The following ARHGAP29 variants were observed in gnomAD, a reference collection of about 807,000 sequenced individuals.
ARHGAP29 encodes the protein Rho GTPase activating protein 29, also known as rho GTPase-activating protein 29.
A neutral mutation model predicts 122.6 loss-of-function variants in ARHGAP29; 43 were observed. The observed-to-expected ratio is 0.35, with a 90% confidence interval of 0.27 to 0.45. The LOEUF is 0.45. ARHGAP29 is among the 20% of genes least tolerant of loss of function. The pLI, the probability that ARHGAP29 is intolerant of heterozygous loss-of-function variation, is 1.00. For synonymous variants in ARHGAP29, 506 were observed against 497.1 expected, an observed-to-expected ratio of 1.02 and a Z score of -0.24; for missense variants, 1,303 against 1,477.2, an observed-to-expected ratio of 0.88 and a Z score of 1.93.
rs191206586 is a variant in ARHGAP29 at position 94,231,903 on chromosome 1, G to A, written c.-32-260C>T. ...ACTGTTCTTTACATTTCACAAATGA[G>A]GAACCTGAGGTTTAGAGGTTAAAAA... is the stretch of plus-strand genomic sequence containing the variant. On this transcript the variant is annotated intron_variant, in intron 1 of 22. Transcript: ENST00000260526. Among the ~76,000 whole-genome samples the A allele has an allele frequency of 1.0e-3, 153 of 152,204 alleles. 1 individual carries two copies. The highest frequency in any genetic ancestry group is 1.5e-3 in the South Asian group (7 of 4,824).
chr1:94,186,462 C>A (rs1649808005), intron 16 of ARHGAP29, 37 bp downstream of exon 16: 1 of 1,425,846 alleles, frequency 7.0e-7, no homozygotes, highest in South Asian at 1.2e-5. Context: ...ACTGATTGAG[C>A]TGGTTTAGTG....
chr1:94,285,289 T>C, the ARHGAP29 span, among the ~76,000 whole-genome samples: 326 of 152,004 alleles, frequency 2.1e-3, no homozygotes, highest in Non-Finnish European at 3.8e-3. Context: ...CAAAAACACA[T>C]TGAGCATCAA....
At chr1:94,194,644 A>G (rs975590585) in intron 12 of ARHGAP29, 1 of 152,272 alleles carries the variant, frequency 6.6e-6, no homozygotes, top group African/African-American at 2.4e-5. Flanking sequence ...GTCACCTCCC[A>G]AAAGCCCCAC....
At chr1:94,257,896 G>A (rs1654421759) in intron 1 of ARHGAP29, among the ~76,000 whole-genome samples, 2 of 152,284 alleles carry the variant, frequency 1.3e-5, no homozygotes, top group South Asian at 2.1e-4. Flanking sequence ...ACCCCTGAGA[G>A]CACCTGAATG....
chr1:94,181,744 A>AAAC (rs375216269), intron 19 of ARHGAP29, among the ~76,000 whole-genome samples: 72 of 152,214 alleles, frequency 4.7e-4, no homozygotes, highest in Admixed American at 1.9e-3. Flanking sequence ...AATGAGTAGA[A>AAAC]AACAACAACA....
At chr1:94,258,478 A>G (rs1361132938) in intron 1 of ARHGAP29, among the ~76,000 whole-genome samples, 1 of 152,194 alleles carries the variant, frequency 6.6e-6, no homozygotes, top group Non-Finnish European at 1.5e-5. Context: ...TGTAAGTTAG[A>G]AACTCTAGCT....
intron 2 of ARHGAP29, among the ~76,000 whole-genome samples, chr1:94,230,067 A>G (rs1652834786): frequency 6.6e-6 from 1 of 151,758 alleles, no homozygotes; most frequent in African/African-American, 2.4e-5. Flanking sequence ...CAACTAATAC[A>G]TCACTTTAAA....
the ARHGAP29 span, among the ~76,000 whole-genome samples, chr1:94,284,832 A>G: frequency 6.6e-6 from 1 of 152,246 alleles, no homozygotes; most frequent in Non-Finnish European, 1.5e-5. Flanking sequence ...CCTTGGGCAC[A>G]GAAGAAAGAT....
chr1:94,308,941 T>C, the ARHGAP29 span, among the ~76,000 whole-genome samples: 1 of 152,162 alleles, frequency 6.6e-6, no homozygotes, highest in African/African-American at 2.4e-5. Flanking sequence ...CAGGAGGTTG[T>C]GTGGGTCAAG....
At chr1:94,300,082 T>C in the ARHGAP29 span, among the ~76,000 whole-genome samples, 1 of 152,204 alleles carries the variant, frequency 6.6e-6, no homozygotes, top group Non-Finnish European at 1.5e-5. Flanking sequence ...GGCTTAGGCA[T>C]CTCTTGGAGC....
intron 22 of ARHGAP29, chr1:94,177,076 T>C (rs1649139509): frequency 6.6e-6 from 1 of 152,100 alleles, no homozygotes; most frequent in African/African-American, 2.4e-5. Flanking sequence ...CAACTAATAT[T>C]ATAAAGAGAA....
In ARHGAP29 at chr1:94,170,300, T is replaced by C. The variant is rs1648649361; in HGVS notation, c.*3569A>G. On this transcript the variant is annotated 3_prime_UTR_variant, in exon 23 of 23. Coordinates refer to ENST00000260526, the MANE Select transcript of ARHGAP29 (RefSeq NM_004815.4). Reference sequence around the variant, plus strand: ...TGAGTATAGAGCATCATTTCTGTAGTATTGGACAAAAATGTCTATCCTAAA... The same window carrying C: ...TGAGTATAGAGCATCATTTCTGTAGCATTGGACAAAAATGTCTATCCTAAA... 6.6e-6 allele frequency among the ~76,000 whole-genome samples: 1 copy of C among 152,218 alleles called. No homozygotes were observed. The highest frequency in any genetic ancestry group is 2.4e-5 in the African/African-American group (1 of 41,460).
chr1:94,272,661 G>A (rs556472417), intron 1 of ARHGAP29, among the ~76,000 whole-genome samples: 2 of 152,204 alleles, frequency 1.3e-5, no homozygotes, highest in Non-Finnish European at 2.9e-5. Context: ...GCCTGGCTGA[G>A]ACTTGTGGCA....
At chr1:94,220,929 T>C (rs904627099) in intron 2 of ARHGAP29, among the ~76,000 whole-genome samples, 4 of 152,156 alleles carry the variant, frequency 2.6e-5, no homozygotes, top group African/African-American at 9.6e-5. Flanking sequence ...AGATTTTGCC[T>C]ACTCCTGAAA....
chr1:94,296,255 C>A, the ARHGAP29 span, among the ~76,000 whole-genome samples: 3 of 152,164 alleles, frequency 2.0e-5, no homozygotes, highest in Non-Finnish European at 4.4e-5. Context: ...ATGCTCCCTG[C>A]CTGCTAGTCA....
intron 1 of ARHGAP29, among the ~76,000 whole-genome samples, chr1:94,271,993 A>G (rs897247462): frequency 6.6e-6 from 1 of 152,158 alleles, no homozygotes; most frequent in African/African-American, 2.4e-5. Context: ...CTGCTTTTAG[A>G]CAATGGGGGC....
At chr1:94,234,041 C>T (rs536712863) in intron 1 of ARHGAP29, among the ~76,000 whole-genome samples, 1 of 152,306 alleles carries the variant, frequency 6.6e-6, no homozygotes, top group South Asian at 2.1e-4. Flanking sequence ...GTTCCTGGAC[C>T]ATCCCCATCC....
At chr1:94,273,803 A>T (rs1655084321) in intron 1 of ARHGAP29, among the ~76,000 whole-genome samples, 1 of 151,906 alleles carries the variant, frequency 6.6e-6, no homozygotes, top group Non-Finnish European at 1.5e-5. Context: ...ACCTGATTGA[A>T]CCCTAAGTTC....
Position 94,173,702 on chromosome 1 carries a change from C to T in ARHGAP29, c.*167G>A. 1.4e-6 allele frequency: 1 copy of T among 739,534 alleles called. No homozygotes were observed. The highest frequency in any genetic ancestry group is 2.1e-6 in the Non-Finnish European group (1 of 469,886). The allele number at this position is 739,534 out of a possible 1,614,324, so 45.8% of individuals were successfully genotyped here. On this transcript the variant is annotated 3_prime_UTR_variant, in exon 23 of 23. Transcript: ENST00000260526. ...ACAAATGTGACCCTATCAAAACATT[C>T]TACCATTCAGTATTACCAACAGAGG...
Sources: gnomAD v4.1 joint callset for allele counts (sites outside exome capture counted in the v4.1 genomes callset) on GRCh38, gnomAD v4.1.1 for gene constraint, MANE v1.5 for transcripts, NCBI Gene and HGNC (gene_info 2026-07-23, HGNC 2026-07-21) for gene names.